RHOBTB1: variants seen among roughly 807,000 people sequenced by gnomAD.
RHOBTB1 encodes rho-related BTB domain-containing protein 1.
RHOBTB1 carries 40 observed loss-of-function variants against 71.6 expected under a neutral mutation model. That is an observed-to-expected ratio of 0.56 (90% CI 0.43 to 0.73). The LOEUF is 0.73. Ranked by LOEUF, RHOBTB1 falls within the 30% of genes least tolerant of loss-of-function variation. The pLI is 0.00. For synonymous variants in RHOBTB1, 319 were observed against 334.9 expected, an observed-to-expected ratio of 0.95 and a Z score of 0.52; for missense variants, 797 against 894.0, an observed-to-expected ratio of 0.89 and a Z score of 1.38.
chr10:60,922,292 T>C (rs2083610185), intron 2 of RHOBTB1, among the ~76,000 whole-genome samples: 2 of 152,202 alleles, frequency 1.3e-5, no homozygotes, highest in Non-Finnish European at 2.9e-5. Context: ...GTTCACTCTA[T>C]GCCCAAAAGA....
intron 2 of RHOBTB1, among the ~76,000 whole-genome samples, chr10:60,961,032 A>G (rs767704200): frequency 3.7e-4 from 56 of 152,096 alleles, no homozygotes; most frequent in Admixed American, 1.6e-3. Flanking sequence ...CAGAGAGTCA[A>G]CTGTGCTTTA....
chr10:60,927,928 C>G (rs2083986895), intron 2 of RHOBTB1, among the ~76,000 whole-genome samples: 1 of 151,932 alleles, frequency 6.6e-6, no homozygotes, highest in African/African-American at 2.4e-5. Flanking sequence ...TGCAAATTAC[C>G]CATCTGACAA....
upstream of RHOBTB1, among the ~76,000 whole-genome samples, chr10:60,948,252 T>A (rs2085300537): frequency 6.6e-6 from 1 of 152,224 alleles, no homozygotes; most frequent in African/African-American, 2.4e-5. Flanking sequence ...AGTACTACCA[T>A]CCCAAGGGAA....
At chr10:60,867,860 T>G (rs541443151), downstream of RHOBTB1, among the ~76,000 whole-genome samples, 1 of 152,284 alleles carries the variant, frequency 6.6e-6, no homozygotes, top group African/African-American at 2.4e-5. Flanking sequence ...GTCTAAACCT[T>G]TCATGATGCA....
intron 7 of RHOBTB1, among the ~76,000 whole-genome samples, chr10:60,885,741 T>A (rs1403529551): frequency 1.3e-5 from 2 of 152,190 alleles, no homozygotes; most frequent in African/African-American, 4.8e-5. Flanking sequence ...GGAGACATGC[T>A]CCTCTTGTAC....
At chr10:60,865,361 CAAATT>C (rs2080631964), downstream of RHOBTB1, among the ~76,000 whole-genome samples, 1 of 152,190 alleles carries the variant, frequency 6.6e-6, no homozygotes, top group Admixed American at 6.5e-5. Flanking sequence ...GTATAATTGA[CAAATT>C]AAATTGTACA....
downstream of RHOBTB1, among the ~76,000 whole-genome samples, chr10:60,869,004 A>G (rs1344558363): frequency 2.6e-5 from 4 of 152,236 alleles, no homozygotes; most frequent in South Asian, 2.1e-4. Context: ...TGTATTACCT[A>G]GAAGTCCAGA....
chr10:60,902,197 A>T (rs900691798), intron 4 of RHOBTB1, among the ~76,000 whole-genome samples: 3 of 152,192 alleles, frequency 2.0e-5, no homozygotes, highest in African/African-American at 7.2e-5. Flanking sequence ...AGAATGGTAC[A>T]TGTATCTTCT....
At chr10:60,920,634 T>C (rs1423412535) in intron 2 of RHOBTB1, among the ~76,000 whole-genome samples, 1 of 151,432 alleles carries the variant, frequency 6.6e-6, no homozygotes, top group African/African-American at 2.4e-5. Context: ...TTTTTTTTTT[T>C]TTAAGTTTTG....
At chr10:60,928,919 T>C (rs1350784949) in intron 2 of RHOBTB1, among the ~76,000 whole-genome samples, 1 of 152,150 alleles carries the variant, frequency 6.6e-6, no homozygotes, top group Non-Finnish European at 1.5e-5. Context: ...CTCACAGTTC[T>C]ACAGGCAGTA....
Position 60,958,730 on chromosome 10 carries a change from A to C in RHOBTB1, c.-61-16876T>G, listed in dbSNP as rs147935328. Among the ~76,000 whole-genome samples, 764 of 152,154 alleles carry C rather than the reference A, an allele frequency of 5.0e-3. 6 individuals carry two copies. Among genetic ancestry groups the C allele is most frequent in the Non-Finnish European group, 8.3e-3 (565 of 67,988 alleles). ...ATCCTCCTACCTGAGTCTCCTGAGT[A>C]GCTGGGATTACAGGTGTGCACCACC... On this transcript the variant is annotated intron_variant, in intron 2 of 11. Transcript: ENST00000357917.
chr10:60,940,612 C>T (rs1468364856), intron 2 of RHOBTB1, among the ~76,000 whole-genome samples: 1 of 152,166 alleles, frequency 6.6e-6, no homozygotes, highest in African/African-American at 2.4e-5. Context: ...TTTGGGTTAC[C>T]ATGCTTGTGA....
intron 2 of RHOBTB1, among the ~76,000 whole-genome samples, chr10:60,974,004 C>A (rs1307907803): frequency 1.3e-5 from 2 of 151,962 alleles, no homozygotes; most frequent in African/African-American, 4.8e-5. Flanking sequence ...GAATAAATGC[C>A]ATTTGGTGTC....
chr10:61,001,751 C>T (rs2087287683), upstream of RHOBTB1, among the ~76,000 whole-genome samples: 1 of 152,186 alleles, frequency 6.6e-6, no homozygotes, highest in Non-Finnish European at 1.5e-5. Context: ...GCGTGGGGCT[C>T]CTACTGGGAC....
chr10:60,946,191 A>C (rs28688850), upstream of RHOBTB1, among the ~76,000 whole-genome samples: 10 of 147,566 alleles, frequency 6.8e-5, no homozygotes, highest in Admixed American at 4.7e-4. Flanking sequence ...AAAAAAAAAA[A>C]CAAAAAACTG....
At chr10:60,868,464 G>T (rs935415152), downstream of RHOBTB1, among the ~76,000 whole-genome samples, 1 of 152,088 alleles carries the variant, frequency 6.6e-6, no homozygotes, top group African/African-American at 2.4e-5. Flanking sequence ...TTTTCCCTCT[G>T]ACTAGTAGTA....
At chr10:60,994,066 C>T (rs2086960846) in intron 1 of RHOBTB1, among the ~76,000 whole-genome samples, 1 of 151,990 alleles carries the variant, frequency 6.6e-6, no homozygotes, top group South Asian at 2.1e-4. Flanking sequence ...AAATGTGACT[C>T]AAAATATTAG....
chr10:60,923,610 T>G (rs1213236409), intron 2 of RHOBTB1, among the ~76,000 whole-genome samples: 2 of 152,236 alleles, frequency 1.3e-5, no homozygotes, highest in Non-Finnish European at 2.9e-5. Flanking sequence ...ATCTCTTGAA[T>G]AGTATGCGAT....
At chr10:60,998,833 T>G (rs1053899199) in intron 1 of RHOBTB1, among the ~76,000 whole-genome samples, 12 of 152,226 alleles carry the variant, frequency 7.9e-5, no homozygotes, top group African/African-American at 2.4e-4. Context: ...CTTCCACACT[T>G]CAGTGCAGAA....
Sources: gnomAD v4.1 joint callset for allele counts (sites outside exome capture counted in the v4.1 genomes callset) on GRCh38, gnomAD v4.1.1 for gene constraint, MANE v1.5 for transcripts, NCBI Gene and HGNC (gene_info 2026-07-23, HGNC 2026-07-21) for gene names.